LRRC4C: variants seen among roughly 807,000 people sequenced by gnomAD.
The protein encoded by LRRC4C is leucine rich repeat containing 4C.
Under a neutral mutation model 33.6 loss-of-function variants are expected in LRRC4C, and 5 were observed. The ratio of observed to expected loss-of-function variants is 0.15; its 90% CI spans 0.08 to 0.31. LRRC4C has a LOEUF of 0.31. Among genes scored for constraint, LRRC4C ranks in the 10% least tolerant of loss-of-function variants. The pLI, the probability that LRRC4C is intolerant of heterozygous loss-of-function variation, is 1.00. For missense variants in LRRC4C, 560 were observed against 796.7 expected (o/e 0.70, Z 3.58); for synonymous variants, 329 against 302.0 (o/e 1.09, Z -0.93).
At chr11:40,496,112 G>A (rs1377532531) in intron 3 of LRRC4C, among the ~76,000 whole-genome samples, 1 of 152,088 alleles carries the variant, frequency 6.6e-6, no homozygotes, top group Non-Finnish European at 1.5e-5. Flanking sequence ...TTACAGTCAT[G>A]AGCCACCACG....
intron 2 of LRRC4C, among the ~76,000 whole-genome samples, chr11:40,733,953 GAA>G (rs1036017358): frequency 2.6e-4 from 40 of 152,246 alleles, no homozygotes; most frequent in African/African-American, 8.9e-4. Context: ...TGTTACCTGG[GAA>G]AGAGGTACTA....
chr11:40,245,858 A>C (rs1866288431), intron 4 of LRRC4C, among the ~76,000 whole-genome samples: 1 of 151,938 alleles, frequency 6.6e-6, no homozygotes, highest in African/African-American at 2.4e-5. Context: ...AGATATTATT[A>C]TTTTAATTAT....
chr11:40,606,905 C>T (rs535373575), intron 3 of LRRC4C, among the ~76,000 whole-genome samples: 7 of 151,912 alleles, frequency 4.6e-5, no homozygotes, highest in Admixed American at 1.3e-4. Context: ...CACAGAGACA[C>T]GTTATAACAA....
At chr11:40,265,925 C>T (rs1006625155) in intron 4 of LRRC4C, among the ~76,000 whole-genome samples, 1 of 152,148 alleles carries the variant, frequency 6.6e-6, no homozygotes, top group African/African-American at 2.4e-5. Context: ...ATAGACAGTC[C>T]ATTTTTACAT....
chr11:41,141,735 T>G (rs1943516012), intron 1 of LRRC4C, among the ~76,000 whole-genome samples: 1 of 152,134 alleles, frequency 6.6e-6, no homozygotes, highest in African/African-American at 2.4e-5. Flanking sequence ...ATTGTAAGTT[T>G]CCTGAGGACT....
At chr11:40,626,018 C>T (rs1962894771) in intron 3 of LRRC4C, among the ~76,000 whole-genome samples, 1 of 152,142 alleles carries the variant, frequency 6.6e-6, no homozygotes, top group African/African-American at 2.4e-5. Context: ...TTATTTTTCA[C>T]TCAGAATAAA....
intron 3 of LRRC4C, among the ~76,000 whole-genome samples, chr11:40,613,201 A>G (rs750902047): frequency 1.4e-4 from 21 of 151,926 alleles, no homozygotes; most frequent in Non-Finnish European, 1.8e-4. Context: ...AGTTCTCTGT[A>G]GCATGGGATG....
chr11:40,705,431 C>T (rs1263160754), intron 2 of LRRC4C, among the ~76,000 whole-genome samples: 1 of 151,936 alleles, frequency 6.6e-6, no homozygotes, highest in Non-Finnish European at 1.5e-5. Flanking sequence ...GGTTCAATTT[C>T]CACTTATGAG....
chr11:40,736,054 T>A (rs1947851601), intron 2 of LRRC4C, among the ~76,000 whole-genome samples: 1 of 152,070 alleles, frequency 6.6e-6, no homozygotes, highest in Non-Finnish European at 1.5e-5. Flanking sequence ...GGGATACATG[T>A]GCAGAAAGTG....
intron 3 of LRRC4C, among the ~76,000 whole-genome samples, chr11:40,628,440 T>C (rs7110782): frequency 0.43 from 65,857 of 152,014 alleles, 15,331 homozygotes; most frequent in Middle Eastern, 0.57. Context: ...ATTGCGCCAC[T>C]GCACTCCAGC....
At chr11:40,996,942 C>A (rs1003535311) in intron 1 of LRRC4C, among the ~76,000 whole-genome samples, 2 of 152,140 alleles carry the variant, frequency 1.3e-5, no homozygotes, top group African/African-American at 4.8e-5. Flanking sequence ...CACTGGAGAT[C>A]AAACTTTTTT....
chr11:41,058,806 C>T (rs954664898), intron 1 of LRRC4C, among the ~76,000 whole-genome samples: 3 of 152,126 alleles, frequency 2.0e-5, no homozygotes, highest in African/African-American at 4.8e-5. Flanking sequence ...TGGAATCAAC[C>T]TAAATGCCCA....
chr11:41,445,918 A>G (rs1410427446), intron 1 of LRRC4C, among the ~76,000 whole-genome samples: 1 of 123,400 alleles, frequency 8.1e-6, no homozygotes, highest in East Asian at 2.3e-4. Flanking sequence ...TTACTGCCAT[A>G]GATGTTTGGG....
intron 3 of LRRC4C, among the ~76,000 whole-genome samples, chr11:40,377,681 A>T (rs1590517634): frequency 6.6e-6 from 1 of 152,138 alleles, no homozygotes; most frequent in Non-Finnish European, 1.5e-5. Context: ...CAAAATTCTG[A>T]TAAAGGCTCT....
chr11:40,526,250 A>C (rs2135270917), intron 3 of LRRC4C, among the ~76,000 whole-genome samples: 1 of 152,322 alleles, frequency 6.6e-6, no homozygotes, highest in South Asian at 2.1e-4. Context: ...CATTAAAAAT[A>C]ACTTTTGTTA....
chr11:41,149,051 G>C (rs2135953033), intron 1 of LRRC4C, among the ~76,000 whole-genome samples: 1 of 152,228 alleles, frequency 6.6e-6, no homozygotes, highest in South Asian at 2.1e-4. Flanking sequence ...AACTACTTCA[G>C]ATGAAATGTT....
At chr11:40,204,933 C>T (rs571364022) in intron 5 of LRRC4C, among the ~76,000 whole-genome samples, 1 of 152,328 alleles carries the variant, frequency 6.6e-6, no homozygotes, top group South Asian at 2.1e-4. Context: ...TTCTTTCCTT[C>T]ATCAACCCTG....
chr11:40,895,237 A>C (rs540131842), intron 2 of LRRC4C, among the ~76,000 whole-genome samples: 1 of 152,134 alleles, frequency 6.6e-6, no homozygotes, highest in African/African-American at 2.4e-5. Flanking sequence ...TTTATGTTAG[A>C]TACCTGGTCA....
intron 1 of LRRC4C, among the ~76,000 whole-genome samples, chr11:41,110,650 G>T (rs929201543): frequency 6.6e-6 from 1 of 151,914 alleles, no homozygotes; most frequent in Non-Finnish European, 1.5e-5. Flanking sequence ...GTTACGTTTT[G>T]CAAGTTTTAT....
Sources: allele counts gnomAD v4.1 joint callset (sites outside exome capture counted in the v4.1 genomes callset), GRCh38; gene constraint gnomAD v4.1.1; transcripts MANE v1.5; gene names NCBI Gene and HGNC (gene_info 2026-07-23, HGNC 2026-07-21).